The following ZBTB7B variants were observed in gnomAD, a reference collection of about 807,000 sequenced individuals.
The protein encoded by ZBTB7B is zinc finger and BTB domain containing 7B, also known as zinc finger and BTB domain-containing protein 7B.
In ZBTB7B, 8 loss-of-function variants were observed where a neutral mutation model predicts 31.0. The ratio of observed to expected loss-of-function variants is 0.26; its 90% CI spans 0.15 to 0.47. The LOEUF (loss-of-function observed/expected upper bound fraction) is 0.47, where lower values mean the gene tolerates loss of function less well. Among genes scored for constraint, ZBTB7B ranks in the 20% least tolerant of loss-of-function variants. ZBTB7B has a pLI of 0.99. For missense variants in ZBTB7B, 494 were observed against 742.4 expected, an observed-to-expected ratio of 0.67 and a Z score of 3.89; for synonymous variants, 261 against 307.3, an observed-to-expected ratio of 0.85 and a Z score of 1.58.
Position 155,015,169 on chromosome 1 carries a change from C to T in ZBTB7B, c.509C>T (p.Thr170Met), listed in dbSNP as rs761967201. ...TATCTGGAGGCCTTTGCCACAGCCA[C>T]GGCCTCTGGAGTTCCCAATGGTGAA... The part of the protein sequence containing the change: ...RQYLEAFATA[T>M]ASGVPNGEDS... The change falls in exon 2 of 3, where the codon ACG (threonine) becomes ATG (methionine). Residue 170 changes from threonine (T) to methionine (M), a missense_variant. Thr to Met is a moderately conservative substitution (Grantham distance 81, BLOSUM62 -1). Around this residue, in one of 5 missense-constraint regions of ZBTB7B, gnomAD observed 216 missense variants for 229.3 expected, o/e 0.94. Transcript: ENST00000535420. 7 of 1,613,754 alleles carry T rather than the reference C, an allele frequency of 4.3e-6. No homozygotes were observed. The highest frequency in any genetic ancestry group is 1.1e-5 in the South Asian group (1 of 91,090).
chr1:155,013,728 CTTGGCCTA>C (rs947818779), intron 1 of ZBTB7B, among the ~76,000 whole-genome samples: 9 of 146,958 alleles, frequency 6.1e-5, no homozygotes, highest in Non-Finnish European at 1.4e-4. Context: ...GGGACTGGAA[CTTGGCCTA>C]TTGGCAGTGG....
rs1392855390 is a variant in ZBTB7B, at chr1:155,017,956, G to A, written c.*1271G>A. ...CATAGCCTCTTCTGTTGGTCTTGTTGAAATCTAGTTTCAGATTTTTAACTA... is the reference window on the plus strand; with the variant it reads ...CATAGCCTCTTCTGTTGGTCTTGTTAAAATCTAGTTTCAGATTTTTAACTA... On this transcript the variant is annotated 3_prime_UTR_variant, in exon 3 of 3. Transcript: ENST00000535420. 6.4e-6 allele frequency: 1 copy of A among 157,194 alleles called. No homozygotes were observed. Among genetic ancestry groups the A allele is most frequent in the Non-Finnish European group, 1.4e-5 (1 of 70,806 alleles). 9.7% of individuals were successfully genotyped at this position (157,194 alleles called of 1,614,324 possible). A position where few individuals can be genotyped will look rare whatever the true frequency, so the allele number is the denominator to read the frequency against.
rs1658455136 is a variant in ZBTB7B, at chr1:155,004,730, G to C, written c.-7+1787G>C. The stretch of plus-strand genomic sequence containing the variant: ...ATGAAACAAGGAGAAATCTCTGTCA[G>C]TGCCTCTGTCCCTGGCCCCAGGGAC... On this transcript the variant is annotated intron_variant, in intron 1 of 2. Coordinates refer to ENST00000535420, the MANE Select transcript of ZBTB7B (RefSeq NM_001256455.2). The surrounding 1 kb of genome is among the most constrained non-coding windows in gnomAD (Gnocchi z 4.0). Among the ~76,000 whole-genome samples the C allele has an allele frequency of 6.6e-6, 1 of 152,094 alleles. No individual in the cohort carries two copies.
intron 1 of ZBTB7B, among the ~76,000 whole-genome samples, chr1:155,011,654 T>C (rs1000223222): frequency 1.3e-5 from 2 of 152,204 alleles, no homozygotes; most frequent in African/African-American, 4.8e-5. Context: ...CTGGCACAGC[T>C]GCACCCCCAA....
At position 155,014,703 on chromosome 1, in the gene ZBTB7B, G is replaced by A. The variant is rs1309207330; in HGVS notation, c.43G>A (p.Asp15Asn). ...EDDLIGIPFPDHSSELLSCLN... is the reference protein window; with the variant it reads ...EDDLIGIPFPNHSSELLSCLN... ...TGACCTGATTGGGATTCCATTCCCGGACCACAGCAGTGAGCTCCTGAGCTG... is the reference window on the plus strand; with the variant it reads ...TGACCTGATTGGGATTCCATTCCCGAACCACAGCAGTGAGCTCCTGAGCTG... The change falls in exon 2 of 3, where the codon GAC becomes AAC. Residue 15 changes from aspartate to asparagine, a missense_variant. Transcript: ENST00000535420. 3 of 1,613,990 alleles carry A rather than the reference G, an allele frequency of 1.9e-6. No individual in the cohort carries two copies. Among genetic ancestry groups the A allele is most frequent in the Non-Finnish European group, 2.5e-6 (3 of 1,179,976 alleles).
chr1:155,011,295 T>C (rs941138073), intron 1 of ZBTB7B, among the ~76,000 whole-genome samples: 2 of 152,230 alleles, frequency 1.3e-5, no homozygotes, highest in Admixed American at 6.5e-5. Context: ...CGGAAAGAGT[T>C]CCCATCTCCC....
In ZBTB7B at chr1:155,016,169, C is replaced by G; in HGVS notation, c.1155-51C>G. On this transcript the variant is annotated intron_variant, in intron 2 of 2. Coordinates refer to ENST00000535420, the MANE Select transcript of ZBTB7B (RefSeq NM_001256455.2). The surrounding 1 kb of genome is among the most constrained non-coding windows in gnomAD (Gnocchi z 4.3). The stretch of plus-strand genomic sequence containing the variant: ...CCAGGGTGGGATGACCAGGAGGAGC[C>G]AGGGATCCCATCCTGAACACCTCCC... 1 of 1,563,884 alleles carries G rather than the reference C, an allele frequency of 6.4e-7. No individual in the cohort carries two copies. Among genetic ancestry groups the G allele is most frequent in the Non-Finnish European group, 8.7e-7 (1 of 1,145,288 alleles).
upstream of ZBTB7B, chr1:155,002,752 G>C (rs1658315853): frequency 6.5e-6 from 1 of 152,866 alleles, no homozygotes; most frequent in African/African-American, 2.4e-5. Flanking sequence ...GGCGGCCGAG[G>C]GGGGGCGGGC....
rs1026704031 is a variant in ZBTB7B, at chr1:155,003,997, C to G, written c.-7+1054C>G. Among the ~76,000 whole-genome samples the G allele has an allele frequency of 6.6e-6, 1 of 152,128 alleles. No individual in the cohort carries two copies. Among genetic ancestry groups the G allele is most frequent in the Admixed American group, 6.5e-5 (1 of 15,276 alleles). On this transcript the variant is annotated intron_variant, in intron 1 of 2. Transcript: ENST00000535420. This position sits in a 1 kb window ranked among gnomAD's most constrained non-coding sequence, Gnocchi z 5.8. ...GTTTAGAGAGAGGGCGGGTCCCCTGCCCCCCGCCCCGCACAACCCCCACGT... is the reference window on the plus strand; with the variant it reads ...GTTTAGAGAGAGGGCGGGTCCCCTGGCCCCCGCCCCGCACAACCCCCACGT...
In ZBTB7B at chr1:155,017,023, T is replaced by C; in HGVS notation, c.*338T>C. 1 of 228,756 alleles carries C rather than the reference T, an allele frequency of 4.4e-6. No homozygotes were observed. The allele number at this position is 228,756 out of a possible 1,614,324, so 14.2% of individuals were successfully genotyped here. A position where few individuals can be genotyped will look rare whatever the true frequency, so the allele number is the denominator to read the frequency against. The stretch of plus-strand genomic sequence containing the variant: ...GGGTCCCACTTCGGCTATGCGGGTT[T>C]CTAGGGGGTGGGGGCTTGGGACCAA... On this transcript the variant is annotated 3_prime_UTR_variant, in exon 3 of 3. Coordinates refer to ENST00000535420, the MANE Select transcript of ZBTB7B (RefSeq NM_001256455.2).
chr1:155,011,156 A>G lies in ZBTB7B; in HGVS notation c.-6-3499A>G, dbSNP rs60897422. On this transcript the variant is annotated intron_variant, in intron 1 of 2. Coordinates refer to ENST00000535420, the MANE Select transcript of ZBTB7B (RefSeq NM_001256455.2). ...CTCCCCTAATCCCCAGGGTGGGGGAAAGGGGGGTCAGCTTTACTCAGCTGC... is the reference window on the plus strand; with the variant it reads ...CTCCCCTAATCCCCAGGGTGGGGGAGAGGGGGGTCAGCTTTACTCAGCTGC... The G allele has an allele frequency of 4.1e-3, 3,326 of 815,782 alleles. 64 individuals are homozygous for G. The African/African-American group carries it at 0.051, about 13-fold the overall frequency. The allele number at this position is 815,782 out of a possible 1,614,324, so 50.5% of individuals were successfully genotyped here. A position where few individuals can be genotyped will look rare whatever the true frequency, so the allele number is the denominator to read the frequency against.
chr1:155,015,904 G>A (rs1659371308), intron 2 of ZBTB7B, 90 bp downstream of exon 2: 1 of 1,485,800 alleles, frequency 6.7e-7, no homozygotes, highest in Non-Finnish European at 9.1e-7. Context: ...GACCCGAGGT[G>A]GTGGTAGGTG....
At chr1:155,014,157 T>C in intron 1 of ZBTB7B, 1 of 907,282 alleles carries the variant, frequency 1.1e-6, no homozygotes, top group Non-Finnish European at 1.3e-6. Context: ...CAAAGACTGT[T>C]ACCTCACTTT....
At chr1:155,008,146 T>G (rs998550743) in intron 1 of ZBTB7B, among the ~76,000 whole-genome samples, 2 of 151,938 alleles carry the variant, frequency 1.3e-5, no homozygotes. Flanking sequence ...CCTCTTTCGG[T>G]GCCCACAGCT....
At position 155,004,797 on chromosome 1, in the gene ZBTB7B, G is replaced by A. The variant is rs1658459425; in HGVS notation, c.-7+1854G>A. Among the ~76,000 whole-genome samples, 1 of 152,014 alleles carries A rather than the reference G, an allele frequency of 6.6e-6. No homozygotes were observed. The highest frequency in any genetic ancestry group is 1.5e-5 in the Non-Finnish European group (1 of 67,962). Reference sequence around the variant, plus strand: ...TGCCTCTGTTACATGGTTGCTGTGGGCACAACACAACCTGCTGGCACCCCC... The same window carrying A: ...TGCCTCTGTTACATGGTTGCTGTGGACACAACACAACCTGCTGGCACCCCC... On this transcript the variant is annotated intron_variant, in intron 1 of 2. Transcript: ENST00000535420. This position sits in a 1 kb window ranked among gnomAD's most constrained non-coding sequence, Gnocchi z 4.0.
upstream of ZBTB7B, among the ~76,000 whole-genome samples, chr1:155,002,057 G>A (rs1240138008): frequency 4.0e-5 from 6 of 151,830 alleles, no homozygotes; most frequent in Admixed American, 1.3e-4. Flanking sequence ...CCCTCTTGAA[G>A]GAGAGGGAGC....
Position 155,018,243 on chromosome 1 carries a change from T to G in ZBTB7B, c.*1558T>G. ...AGCGGGACCAGTCCCTGTTATCTAT[T>G]TAAAAAGTGATGATGTAATATATTG... On this transcript the variant is annotated 3_prime_UTR_variant, in exon 3 of 3. Coordinates refer to ENST00000535420, the MANE Select transcript of ZBTB7B (RefSeq NM_001256455.2). 2.6e-6 allele frequency: 1 copy of G among 379,992 alleles called. No homozygotes were observed. Among genetic ancestry groups the G allele is most frequent in the Non-Finnish European group, 4.9e-6 (1 of 204,798 alleles). 23.5% of individuals were successfully genotyped at this position (379,992 alleles called of 1,614,324 possible). A position where few individuals can be genotyped will look rare whatever the true frequency, so the allele number is the denominator to read the frequency against.
intron 1 of ZBTB7B, chr1:155,013,912 G>A: frequency 2.4e-6 from 1 of 409,068 alleles, no homozygotes; most frequent in Non-Finnish European, 3.3e-6. Flanking sequence ...AGAAGTGGGG[G>A]ATCTAGAAGG....
At chr1:155,007,896 C>T (rs1658661667) in intron 1 of ZBTB7B, among the ~76,000 whole-genome samples, 1 of 152,122 alleles carries the variant, frequency 6.6e-6, no homozygotes, top group Non-Finnish European at 1.5e-5. Context: ...TACCCCCAAG[C>T]CTAGCAGGAT....
Sources: allele counts gnomAD v4.1 joint callset (sites outside exome capture counted in the v4.1 genomes callset), GRCh38; gene constraint gnomAD v4.1.1; regional missense constraint gnomAD v4.1.1; non-coding constraint Gnocchi (gnomAD v3.1); transcripts MANE v1.5; gene names NCBI Gene and HGNC (gene_info 2026-07-23, HGNC 2026-07-21).